CALM2: variants seen among roughly 807,000 people sequenced by gnomAD.
CALM2 encodes the protein calmodulin 2, also known as calmodulin-2.
CALM2 carries 2 observed loss-of-function variants against 19.8 expected under a neutral mutation model. The observed-to-expected ratio is 0.10, with a 90% CI of 0.04 to 0.32. CALM2 has a LOEUF of 0.32. CALM2 is among the 10% of genes least tolerant of loss of function. The probability of loss-of-function intolerance (pLI) is 1.00; values close to 1 mark genes in which losing one functional copy is unlikely to be tolerated. For synonymous variants in CALM2, 51 were observed against 52.1 expected (o/e 0.98, Z 0.09); for missense variants, 38 against 178.7 (o/e 0.21, Z 4.49).
chr2:47,176,754 C>A, upstream of CALM2: 1 of 985,448 alleles, frequency 1.0e-6, no homozygotes, highest in Non-Finnish European at 1.2e-6. Context: ...TGGAGCGGCC[C>A]CTGAGGGGCG....
At chr2:47,171,982 TAAAA>T (rs60765781) in intron 1 of CALM2, 58,667 of 104,084 alleles carry the variant, frequency 0.56, 16,466 homozygotes, top group Middle Eastern at 0.76. Context: ...TCAAATTCAT[TAAAA>T]AAAAAAAAAA....
intron 1 of CALM2, among the ~76,000 whole-genome samples, chr2:47,175,862 C>G (rs1317571610): frequency 1.4e-5 from 2 of 147,826 alleles, no homozygotes; most frequent in African/African-American, 4.9e-5. Flanking sequence ...CGGGCTCGGC[C>G]CACACAGCGC....
upstream of CALM2, chr2:47,176,841 G>T: frequency 1.0e-6 from 1 of 985,450 alleles, no homozygotes; most frequent in African/African-American, 1.7e-5. Flanking sequence ...TGATTGGCTG[G>T]TTTGTACCTG....
chr2:47,173,012 G>A (rs1666727981), intron 1 of CALM2: 1 of 152,116 alleles, frequency 6.6e-6, no homozygotes, highest in African/African-American at 2.4e-5. Flanking sequence ...TCACAAAAAT[G>A]AGCTTCAAGG....
At chr2:47,161,659 T>C (rs1687160025) in intron 5 of CALM2, 64 bp downstream of exon 5, 6 of 1,501,026 alleles carry the variant, frequency 4.0e-6, no homozygotes, top group Non-Finnish European at 5.4e-6. Flanking sequence ...ATCAGTTCCC[T>C]AACAAAGAGC....
chr2:47,163,258 T>C (rs919150980), intron 2 of CALM2: 1 of 152,464 alleles, frequency 6.6e-6, no homozygotes, highest in South Asian at 2.1e-4. Context: ...GAAGGGACTA[T>C]ATAAAGAGTC....
At position 47,160,651 on chromosome 2, in the gene CALM2, C is replaced by G. The variant is rs530457703; in HGVS notation, c.*125G>C. On this transcript the variant is annotated 3_prime_UTR_variant, in exon 6 of 6. Coordinates refer to ENST00000272298, the MANE Select transcript of CALM2 (RefSeq NM_001743.6). ...GGAAGAAAACATGGAGGAATGAAGTCCTAATTACTATACATGCATATTTTT... is the reference window on the plus strand; with the variant it reads ...GGAAGAAAACATGGAGGAATGAAGTGCTAATTACTATACATGCATATTTTT... The G allele has an allele frequency of 1.8e-6, 1 of 550,562 alleles. No individual in the cohort carries two copies. The highest frequency in any genetic ancestry group is 3.1e-5 in the East Asian group (1 of 32,370). 34.1% of individuals were successfully genotyped at this position (550,562 alleles called of 1,614,324 possible).
upstream of CALM2, chr2:47,176,579 G>C (rs1666883190): frequency 7.1e-6 from 11 of 1,547,648 alleles, no homozygotes; most frequent in African/African-American, 2.7e-5. Flanking sequence ...GCCGCATCCA[G>C]ATAACGGAAC....
intron 2 of CALM2, among the ~76,000 whole-genome samples, chr2:47,170,478 C>T (rs1666630947): frequency 6.6e-6 from 1 of 152,150 alleles, no homozygotes; most frequent in Non-Finnish European, 1.5e-5. Flanking sequence ...ACCACTACAC[C>T]ACAAGGCTCC....
intron 2 of CALM2, among the ~76,000 whole-genome samples, chr2:47,164,257 AAAAAG>A (rs60222972): frequency 0.64 from 77,322 of 121,230 alleles, 28,004 homozygotes; most frequent in East Asian, 0.85. Flanking sequence ...AAAAAAGAAG[AAAAAG>A]AAAAGAAACC....
At chr2:47,168,950 G>A (rs956480425) in intron 2 of CALM2, among the ~76,000 whole-genome samples, 4 of 152,034 alleles carry the variant, frequency 2.6e-5, no homozygotes, top group Non-Finnish European at 5.9e-5. Flanking sequence ...GCTAATTTTT[G>A]TATTTTTAGG....
intron 2 of CALM2, among the ~76,000 whole-genome samples, chr2:47,166,745 A>G (rs1250328760): frequency 1.3e-5 from 2 of 152,200 alleles, no homozygotes; most frequent in Non-Finnish European, 2.9e-5. Flanking sequence ...ATAGAAGCAT[A>G]TAATTCTAAA....
chr2:47,172,083 T>C (rs1367626174), intron 1 of CALM2: 1 of 153,710 alleles, frequency 6.5e-6, no homozygotes, highest in African/African-American at 2.4e-5. Flanking sequence ...TCCACTTTTA[T>C]CCCTAAAGTC....
chr2:47,170,268 G>C (rs1049796978), intron 2 of CALM2, among the ~76,000 whole-genome samples: 4 of 152,158 alleles, frequency 2.6e-5, no homozygotes, highest in Non-Finnish European at 4.4e-5. Flanking sequence ...TTGAGAAATG[G>C]TTATTCCCTG....
chr2:47,175,644 T>G (rs1303312453), intron 1 of CALM2, among the ~76,000 whole-genome samples: 1 of 151,520 alleles, frequency 6.6e-6, no homozygotes, highest in African/African-American at 2.4e-5. Context: ...GAAGGAAGAT[T>G]AGGGTTGCCA....
intron 2 of CALM2, among the ~76,000 whole-genome samples, chr2:47,164,314 C>T (rs567995545): frequency 3.4e-5 from 5 of 149,060 alleles, no homozygotes; most frequent in South Asian, 2.1e-4. Context: ...CTGGGTGTGG[C>T]GGCGTGTGCC....
At chr2:47,176,615 C>T (rs988816761), upstream of CALM2, 28 of 1,524,640 alleles carry the variant, frequency 1.8e-5, no homozygotes, top group East Asian at 2.5e-5. Flanking sequence ...CGGCCAACCC[C>T]CTCCCCTCAA....
chr2:47,161,551 T>C (rs1011653901), intron 5 of CALM2, among the ~76,000 whole-genome samples, 172 bp downstream of exon 5: 1 of 152,164 alleles, frequency 6.6e-6, no homozygotes, highest in Admixed American at 6.5e-5. Context: ...GTCAGAGCAA[T>C]GTTACCTAGT....
At chr2:47,165,640 T>C (rs1666440711) in intron 2 of CALM2, among the ~76,000 whole-genome samples, 1 of 152,220 alleles carries the variant, frequency 6.6e-6, no homozygotes. Context: ...TGACCAATTT[T>C]ATCCTTTTTT....
Sources: allele counts gnomAD v4.1 joint callset (sites outside exome capture counted in the v4.1 genomes callset), GRCh38; gene constraint gnomAD v4.1.1; transcripts MANE v1.5; gene names NCBI Gene and HGNC (gene_info 2026-07-23, HGNC 2026-07-21).